C2orf49: variants seen among roughly 807,000 people sequenced by gnomAD.
C2orf49 encodes tRNA splicing ligase complex subunit 2, also known as tRNA-splicing ligase complex subunit ASW.
C2orf49 carries 11 observed loss-of-function variants against 20.6 expected under a neutral mutation model. The observed-to-expected ratio is 0.53, with a 90% CI of 0.34 to 0.88. The LOEUF is 0.88. Ranked by LOEUF, C2orf49 falls within the 40% of genes least tolerant of loss-of-function variation. The pLI, the probability that C2orf49 is intolerant of heterozygous loss-of-function variation, is 0.02. For synonymous variants in C2orf49, 134 were observed against 108.5 expected (o/e 1.24, Z -1.46); for missense variants, 289 against 274.2 (o/e 1.05, Z -0.38).
chr2:105,362,208 T>C, the C2orf49 span, among the ~76,000 whole-genome samples: 318 of 152,340 alleles, frequency 2.1e-3, 3 homozygotes, highest in African/African-American at 7.1e-3. Context: ...AGATTACATT[T>C]TCCCCCTAAA....
rs1391458751 is a variant in C2orf49, at chr2:105,346,124, C to T, written c.*753C>T. On this transcript the variant is annotated 3_prime_UTR_variant, in exon 4 of 4. Coordinates refer to ENST00000258457, the MANE Select transcript of C2orf49 (RefSeq NM_024093.3). Reference sequence around the variant, plus strand: ...TCTTTTACAAAGCAGAAGCATATACCAATTTATCACAGTATTTTAGTAAAT... The same window carrying T: ...TCTTTTACAAAGCAGAAGCATATACTAATTTATCACAGTATTTTAGTAAAT... 5 of 151,916 alleles carry T rather than the reference C, an allele frequency of 3.3e-5. No individual in the cohort carries two copies. Among genetic ancestry groups the T allele is most frequent in the African/African-American group, 1.2e-4 (5 of 41,336 alleles). 9.4% of individuals were successfully genotyped at this position (151,916 alleles called of 1,614,324 possible). A position where few individuals can be genotyped will look rare whatever the true frequency, so the allele number is the denominator to read the frequency against.
downstream of C2orf49, among the ~76,000 whole-genome samples, chr2:105,352,315 C>G (rs1327024677): frequency 6.6e-6 from 1 of 150,848 alleles, no homozygotes; most frequent in Non-Finnish European, 1.5e-5. Flanking sequence ...AATCCCTAGA[C>G]AAACATCCAT....
the C2orf49 span, among the ~76,000 whole-genome samples, chr2:105,365,701 G>C: frequency 6.6e-6 from 1 of 151,564 alleles, no homozygotes; most frequent in Non-Finnish European, 1.5e-5. Flanking sequence ...AATTAGGTGG[G>C]TTTGGTGGTG....
chr2:105,348,041 C>T lies in C2orf49; in HGVS notation c.*2670C>T, dbSNP rs1458223778. ...TCTTTGTTCCTTCTTTTCCCTTTCT[C>T]CTTATACATTTTCTTTCTCTACTTT... On this transcript the variant is annotated 3_prime_UTR_variant, in exon 4 of 4. Transcript: ENST00000258457. 6.6e-6 allele frequency: 1 copy of T among 152,076 alleles called. No individual in the cohort carries two copies. Among genetic ancestry groups the T allele is most frequent in the East Asian group, 1.9e-4 (1 of 5,196 alleles). 9.4% of individuals were successfully genotyped at this position (152,076 alleles called of 1,614,324 possible).
chr2:105,351,541 A>C (rs192721718), downstream of C2orf49, among the ~76,000 whole-genome samples: 1 of 152,146 alleles, frequency 6.6e-6, no homozygotes, highest in African/African-American at 2.4e-5. Context: ...GTTAAAGTCT[A>C]ATGTGTGTTT....
the C2orf49 span, among the ~76,000 whole-genome samples, chr2:105,362,662 T>C: frequency 2.6e-5 from 4 of 152,240 alleles, no homozygotes; most frequent in African/African-American, 9.6e-5. Flanking sequence ...TGTAGCGATA[T>C]GTGGTGACCA....
At chr2:105,383,434 T>C in the C2orf49 span, among the ~76,000 whole-genome samples, 20 of 152,334 alleles carry the variant, frequency 1.3e-4, no homozygotes, top group Admixed American at 5.9e-4. Flanking sequence ...AGTAACTTAA[T>C]AGAAATAAAG....
the C2orf49 span, chr2:105,367,446 G>T: frequency 3.9e-4 from 379 of 964,898 alleles, 1 homozygote; most frequent in African/African-American, 5.9e-3. Context: ...AGGCAGGACA[G>T]GCACAGCTCC....
the C2orf49 span, chr2:105,367,667 G>T: frequency 6.2e-7 from 1 of 1,614,228 alleles, no homozygotes; most frequent in South Asian, 1.1e-5. Context: ...GGTTCCAATT[G>T]GCTGCTGGCA....
chr2:105,361,147 G>A, the C2orf49 span: 19 of 869,888 alleles, frequency 2.2e-5, no homozygotes, highest in Non-Finnish European at 3.2e-5. Context: ...TTAAGCAAAC[G>A]TGAGTATCAC....
the C2orf49 span, among the ~76,000 whole-genome samples, chr2:105,372,286 C>T: frequency 6.6e-6 from 1 of 151,940 alleles, no homozygotes; most frequent in African/African-American, 2.4e-5. Flanking sequence ...AGTGCAGTGG[C>T]GTGATCTCAG....
chr2:105,380,286 C>G, the C2orf49 span, among the ~76,000 whole-genome samples: 1 of 152,130 alleles, frequency 6.6e-6, no homozygotes, highest in African/African-American at 2.4e-5. Context: ...TGATTAGACC[C>G]GGGTGCCTGA....
chr2:105,374,059 T>C, the C2orf49 span: 1 of 347,840 alleles, frequency 2.9e-6, no homozygotes, highest in Non-Finnish European at 5.5e-6. Flanking sequence ...CATGAACACC[T>C]ATCAATTCGT....
At chr2:105,384,072 G>A in the C2orf49 span, among the ~76,000 whole-genome samples, 1 of 152,148 alleles carries the variant, frequency 6.6e-6, no homozygotes, top group Admixed American at 6.5e-5. Flanking sequence ...TAAATCACTG[G>A]AGAAACAGCA....
chr2:105,346,120 A>G lies in C2orf49; in HGVS notation c.*749A>G, dbSNP rs1279202898. On this transcript the variant is annotated 3_prime_UTR_variant, in exon 4 of 4. Coordinates refer to ENST00000258457, the MANE Select transcript of C2orf49 (RefSeq NM_024093.3). ...TATTTCTTTTACAAAGCAGAAGCATATACCAATTTATCACAGTATTTTAGT... is the reference window on the plus strand; with the variant it reads ...TATTTCTTTTACAAAGCAGAAGCATGTACCAATTTATCACAGTATTTTAGT... The G allele has an allele frequency of 6.6e-6, 1 of 152,220 alleles. No individual in the cohort carries two copies. Among genetic ancestry groups the G allele is most frequent in the Non-Finnish European group, 1.5e-5 (1 of 68,034 alleles). The allele number at this position is 152,220 out of a possible 1,614,324, so 9.4% of individuals were successfully genotyped here.
rs757184190 is a variant in C2orf49 at position 105,343,117 on chromosome 2, A to G, written c.536A>G (p.His179Arg). ...GCTAAACAGAACCATGACTTAACGC[A>G]TAGGAAAAGTCCTTCAGGCCCTGTG... ...NDAKQNHDLT[H>R]RKSPSGPVKS... The change falls in exon 3 of 4, where the codon CAT (histidine) becomes CGT (arginine). Residue 179 changes from histidine to arginine, a missense_variant. His to Arg is a conservative substitution (Grantham distance 29). Transcript: ENST00000258457. 3.1e-6 allele frequency: 5 copies of G among 1,614,138 alleles called. No individual in the cohort carries two copies. The highest frequency in any genetic ancestry group is 1.3e-5 in the African/African-American group (1 of 74,956).
intron 1 of C2orf49, 127 bp downstream of exon 1, chr2:105,337,813 C>A: frequency 1.3e-6 from 1 of 772,322 alleles, no homozygotes; most frequent in South Asian, 1.8e-5. Flanking sequence ...ACTCTCCACC[C>A]ACACAGACCA....
chr2:105,352,789 A>G (rs1202074492), downstream of C2orf49, among the ~76,000 whole-genome samples: 1 of 152,120 alleles, frequency 6.6e-6, no homozygotes, highest in African/African-American at 2.4e-5. Context: ...CTAGATAAAA[A>G]TTTGAGAAGG....
intron 1 of C2orf49, 38 bp from the exon 2 acceptor site, chr2:105,339,545 A>T: frequency 6.4e-7 from 1 of 1,566,730 alleles, no homozygotes; most frequent in Non-Finnish European, 8.6e-7. Context: ...AAAATTAAAA[A>T]CATTGTTTTG....
Sources: gnomAD v4.1 joint callset for allele counts (sites outside exome capture counted in the v4.1 genomes callset) on GRCh38, gnomAD v4.1.1 for gene constraint, MANE v1.5 for transcripts, NCBI Gene and HGNC (gene_info 2026-07-23, HGNC 2026-07-21) for gene names.